Variants in ADAM20 observed in about 807,000 individuals in gnomAD.
The protein encoded by ADAM20 is disintegrin and metalloproteinase domain-containing protein 20.
For synonymous variants in ADAM20, 305 were observed against 310.2 expected (o/e 0.98, Z 0.18); for missense variants, 871 against 883.2 (o/e 0.99, Z 0.18).
chr14:70,525,237 G>A (rs1030886698), intron 1 of ADAM20, among the ~76,000 whole-genome samples: 5 of 151,924 alleles, frequency 3.3e-5, no homozygotes, highest in African/African-American at 1.2e-4. Flanking sequence ...TTTTACAGAT[G>A]GGGTACTGCT....
chr14:70,557,474 C>G, the ADAM20 span: 8 of 152,238 alleles, frequency 5.3e-5, no homozygotes, highest in Non-Finnish European at 8.8e-5. Context: ...TCTACTCACA[C>G]TCTTTTGCCT....
chr14:70,574,978 CAA>C, the ADAM20 span, among the ~76,000 whole-genome samples: 2 of 151,312 alleles, frequency 1.3e-5, no homozygotes, highest in East Asian at 3.9e-4. Context: ...AATGAAGCAC[CAA>C]AAAAAGATAC....
upstream of ADAM20, among the ~76,000 whole-genome samples, chr14:70,537,380 T>C (rs1376488387): frequency 6.6e-6 from 1 of 152,196 alleles, no homozygotes; most frequent in Non-Finnish European, 1.5e-5. Context: ...CTCTTCCTTG[T>C]ACAGCTCCAG....
Position 70,522,718 on chromosome 14 carries a change from G to C in ADAM20, c.2040C>G (p.Asn680Lys), listed in dbSNP as rs1883478768. The stretch of plus-strand genomic sequence containing the variant: ...CCATCACATTTAATCCTTCCATGTT[G>C]TTCTTAGGAGGTGGGCCACTATCAG... ...GSADSGPPPK[N>K]NMEGLNVMGK... Residue 680 changes from asparagine to lysine, a missense_variant, in exon 2 of 2, where the codon AAC (asparagine) becomes AAG (lysine). Asn to Lys is a moderately conservative substitution (Grantham distance 94, BLOSUM62 0). Transcript: ENST00000256389. 1 of 1,613,896 alleles carries C rather than the reference G, an allele frequency of 6.2e-7. No individual in the cohort carries two copies. The highest frequency in any genetic ancestry group is 1.3e-5 in the African/African-American group (1 of 74,904).
At chr14:70,536,916 T>C (rs1288283072), upstream of ADAM20, among the ~76,000 whole-genome samples, 1 of 148,342 alleles carries the variant, frequency 6.7e-6, no homozygotes, top group Admixed American at 6.7e-5. Flanking sequence ...ATAAAAACTC[T>C]TAGTCCATAG....
At chr14:70,564,685 C>A in the ADAM20 span, among the ~76,000 whole-genome samples, 2 of 139,344 alleles carry the variant, frequency 1.4e-5, no homozygotes, top group Non-Finnish European at 3.1e-5. Context: ...TAAATTAAAT[C>A]AAAAAATAAA....
At chr14:70,560,722 C>T in the ADAM20 span, among the ~76,000 whole-genome samples, 1 of 151,808 alleles carries the variant, frequency 6.6e-6, no homozygotes, top group Non-Finnish European at 1.5e-5. Context: ...TCCCCCTTCA[C>T]TCTCTCTCTC....
the ADAM20 span, among the ~76,000 whole-genome samples, chr14:70,574,176 A>C: frequency 6.6e-6 from 1 of 152,220 alleles, no homozygotes; most frequent in Admixed American, 6.5e-5. Context: ...ACTAGAAATC[A>C]ATAAGAGGAA....
the ADAM20 span, among the ~76,000 whole-genome samples, chr14:70,567,860 A>G: frequency 6.6e-6 from 1 of 152,226 alleles, no homozygotes; most frequent in African/African-American, 2.4e-5. Context: ...AAGATAGGGA[A>G]GCAGATGGCA....
chr14:70,533,508 C>A (rs28749890), intron 1 of ADAM20, among the ~76,000 whole-genome samples: 5,989 of 152,096 alleles, frequency 0.039, 392 homozygotes, highest in African/African-American at 0.13. Context: ...GAACAGAAAA[C>A]CAAACACTGC....
At chr14:70,527,063 A>C (rs1883605962) in intron 1 of ADAM20, among the ~76,000 whole-genome samples, 1 of 152,090 alleles carries the variant, frequency 6.6e-6, no homozygotes, top group African/African-American at 2.4e-5. Context: ...GTATCTGCAC[A>C]CTCCCATGCT....
chr14:70,560,854 C>T, the ADAM20 span, among the ~76,000 whole-genome samples: 1 of 152,122 alleles, frequency 6.6e-6, no homozygotes, highest in African/African-American at 2.4e-5. Context: ...ATTAAACCTC[C>T]TTTCTTTATA....
the ADAM20 span, among the ~76,000 whole-genome samples, chr14:70,577,368 A>G: frequency 6.6e-6 from 1 of 152,240 alleles, no homozygotes; most frequent in African/African-American, 2.4e-5. Flanking sequence ...AGAAGAAAAG[A>G]GAAGTATCAT....
At chr14:70,561,137 A>AGATGGAGAT in the ADAM20 span, among the ~76,000 whole-genome samples, 1 of 152,260 alleles carries the variant, frequency 6.6e-6, no homozygotes, top group African/African-American at 2.4e-5. Flanking sequence ...AGGTGGTCTC[A>AGATGGAGAT]GATGGAGATG....
chr14:70,523,437 G>C lies in ADAM20; in HGVS notation c.1321C>G (p.Leu441Val), dbSNP rs1595014588. The change falls in exon 2 of 2, where the codon CTA becomes GTA. Residue 441 changes from leucine (L) to valine (V), a missense_variant. Coordinates refer to ENST00000256389, the MANE Select transcript of ADAM20 (RefSeq NM_003814.5). The stretch of plus-strand genomic sequence containing the variant: ...AAAGCACAAGCAGCCCCAGGATGTA[G>C]AGTACAGTTTAACAGACAACAGGGA... Reference protein sequence around the residue: ...KDPCCLLNCTLHPGAACAFGI... With the variant: ...KDPCCLLNCTVHPGAACAFGI... The C allele has an allele frequency of 1.9e-6, 3 of 1,614,050 alleles. No individual in the cohort carries two copies. The highest frequency in any genetic ancestry group is 2.2e-5 in the East Asian group (1 of 44,876).
the ADAM20 span, among the ~76,000 whole-genome samples, chr14:70,574,517 G>A: frequency 6.6e-6 from 1 of 152,096 alleles, no homozygotes; most frequent in Non-Finnish European, 1.5e-5. Flanking sequence ...GCGGGTGCGT[G>A]TAGTCCCAGC....
Position 70,523,909 on chromosome 14 carries a change from C to A in ADAM20, c.849G>T (p.Lys283Asn), listed in dbSNP as rs573877636. The A allele has an allele frequency of 6.2e-7, 1 of 1,613,948 alleles. No individual in the cohort carries two copies. The highest frequency in any genetic ancestry group is 1.1e-5 in the South Asian group (1 of 91,056). Residue 283 changes from lysine (K) to asparagine (N), a missense_variant, in exon 2 of 2, where the codon AAG becomes AAT. Lys to Asn is a moderately conservative substitution (Grantham distance 94). Coordinates refer to ENST00000256389, the MANE Select transcript of ADAM20 (RefSeq NM_003814.5). Reference sequence around the variant, plus strand: ...GTAGTCGATTATTAAGGTTATAATTCTTCCAAATAGAAAAGTCCTCTAAAA... The same window carrying A: ...GTAGTCGATTATTAAGGTTATAATTATTCCAAATAGAAAAGTCCTCTAAAA... Reference protein sequence around the residue: ...DNVLEDFSIWKNYNLNNRLQH... With the variant: ...DNVLEDFSIWNNYNLNNRLQH...
chr14:70,527,235 C>G (rs996845013), intron 1 of ADAM20, among the ~76,000 whole-genome samples: 2 of 152,160 alleles, frequency 1.3e-5, no homozygotes, highest in African/African-American at 4.8e-5. Flanking sequence ...TACAGTCATT[C>G]TTATCTCTCC....
chr14:70,542,491 A>T, the ADAM20 span, among the ~76,000 whole-genome samples: 4 of 152,204 alleles, frequency 2.6e-5, no homozygotes, highest in Admixed American at 2.6e-4. Flanking sequence ...TCACTTTCTG[A>T]CAGGCCAGGA....
Sources: gnomAD v4.1 joint callset for allele counts (sites outside exome capture counted in the v4.1 genomes callset) on GRCh38, gnomAD v4.1.1 for gene constraint, MANE v1.5 for transcripts, NCBI Gene and HGNC (gene_info 2026-07-23, HGNC 2026-07-21) for gene names.